Variants in MCC observed in about 807,000 individuals in gnomAD.
MCC encodes the protein colorectal mutant cancer protein.
Under a neutral mutation model 116.2 loss-of-function variants are expected in MCC, and 90 were observed. That is an observed-to-expected ratio of 0.77 (90% CI 0.65 to 0.92). The LOEUF (loss-of-function observed/expected upper bound fraction) is 0.92, where lower values mean the gene tolerates loss of function less well. MCC is among the 40% of genes least tolerant of loss of function. MCC has a pLI of 0.00. For synonymous variants in MCC, 578 were observed against 510.5 expected, an observed-to-expected ratio of 1.13 and a Z score of -1.78; for missense variants, 1,516 against 1,312.2, an observed-to-expected ratio of 1.16 and a Z score of -2.40.
chr5:113,075,062 G>C (rs1754326138), intron 11 of MCC, among the ~76,000 whole-genome samples: 1 of 152,198 alleles, frequency 6.6e-6, no homozygotes, highest in African/African-American at 2.4e-5. Flanking sequence ...TGGAGGGAGA[G>C]GTGCGTGGCA....
intron 1 of MCC, chr5:113,435,601 G>C (rs1426786622): frequency 1.3e-5 from 2 of 152,452 alleles, no homozygotes; most frequent in African/African-American, 4.8e-5. Flanking sequence ...GCCAAGAAGA[G>C]TGGTGTGTCA....
Position 113,340,518 on chromosome 5 carries a change from C to G in MCC, c.627+1G>C, listed in dbSNP as rs1420814013. On this transcript the variant is annotated splice_donor_variant, in intron 3 of 18. Coordinates refer to ENST00000408903, the MANE Select transcript of MCC (RefSeq NM_001085377.2). LOFTEE classifies it high-confidence loss of function. ...TATTCCATGAACCAAAAAGTACTCA[C>G]TGTGTTGGCCAGCTCTAGATAGCTT... The G allele has an allele frequency of 1.2e-6, 2 of 1,613,724 alleles. No individual in the cohort carries two copies. The highest frequency in any genetic ancestry group is 1.3e-5 in the African/African-American group (1 of 74,932).
Position 113,198,534 on chromosome 5 carries a change from A to G in MCC, c.628-47112T>C, listed in dbSNP as rs560646730. ...ACATAGTGAGACTCTGTCCCTACAA[A>G]TAATTAAAAAAAAAAAAAAAATAGC... On this transcript the variant is annotated intron_variant, in intron 3 of 18. Transcript: ENST00000408903. Among the ~76,000 whole-genome samples the G allele has an allele frequency of 2.5e-3, 275 of 109,994 alleles. 1 individual carries two copies. Among genetic ancestry groups the G allele is most frequent in the African/African-American group, 0.013 (264 of 19,826 alleles). 72.2% of individuals were successfully genotyped at this position (109,994 alleles called of 152,430 possible). A position where few individuals can be genotyped will look rare whatever the true frequency, so the allele number is the denominator to read the frequency against.
chr5:113,256,214 A>T (rs1450658985), intron 3 of MCC, among the ~76,000 whole-genome samples: 1 of 152,196 alleles, frequency 6.6e-6, no homozygotes, highest in Non-Finnish European at 1.5e-5. Flanking sequence ...GTTTCTATCC[A>T]AGAGGAGAGG....
chr5:113,153,414 A>G (rs1759997960), intron 3 of MCC, among the ~76,000 whole-genome samples: 1 of 152,208 alleles, frequency 6.6e-6, no homozygotes, highest in Non-Finnish European at 1.5e-5. Context: ...ACTTACTTCC[A>G]TCACAGACTT....
chr5:113,450,109 T>C (rs1771346244), intron 1 of MCC, among the ~76,000 whole-genome samples: 1 of 152,238 alleles, frequency 6.6e-6, no homozygotes, highest in South Asian at 2.1e-4. Flanking sequence ...TCTCTCCTTA[T>C]GTCCACACTC....
intron 3 of MCC, among the ~76,000 whole-genome samples, chr5:113,184,479 G>GTTTT (rs11303638): frequency 8.7e-6 from 1 of 115,142 alleles, no homozygotes; most frequent in African/African-American, 3.0e-5. Context: ...TTCGTTTTTT[G>GTTTT]TTTTTTTTTT....
At chr5:113,473,945 G>GA (rs1342857150) in intron 1 of MCC, among the ~76,000 whole-genome samples, 1 of 152,096 alleles carries the variant, frequency 6.6e-6, no homozygotes, top group African/African-American at 2.4e-5. Flanking sequence ...CCCAGAAGAA[G>GA]AAAATGATAC....
intron 3 of MCC, chr5:113,269,154 A>G: frequency 1.0e-6 from 1 of 985,272 alleles, no homozygotes; most frequent in Non-Finnish European, 1.2e-6. Flanking sequence ...ACAAGGCAGA[A>G]TAATTCTCTG....
intron 17 of MCC, among the ~76,000 whole-genome samples, chr5:113,041,288 T>C (rs1486083265): frequency 6.6e-6 from 1 of 152,158 alleles, no homozygotes; most frequent in Non-Finnish European, 1.5e-5. Context: ...AAATACACTG[T>C]ACCCTTCCCC....
intron 1 of MCC, among the ~76,000 whole-genome samples, chr5:113,438,060 CT>C (rs1261202167): frequency 3.3e-5 from 5 of 152,124 alleles, no homozygotes; most frequent in South Asian, 2.1e-4. Flanking sequence ...CTCTGAGAAT[CT>C]GGGAAGAAAA....
intron 3 of MCC, among the ~76,000 whole-genome samples, chr5:113,329,697 GC>G (rs1219731959): frequency 1.1e-4 from 17 of 151,932 alleles, no homozygotes; most frequent in African/African-American, 4.1e-4. Flanking sequence ...TAATCTACTG[GC>G]ATACTTTTTA....
At chr5:113,368,622 G>GT (rs372519921) in intron 2 of MCC, among the ~76,000 whole-genome samples, 3,749 of 145,988 alleles carry the variant, frequency 0.026, 143 homozygotes, top group African/African-American at 0.084. Flanking sequence ...GAGAAAAAGT[G>GT]TTTTTTTTTT....
At chr5:113,401,642 A>T (rs1050978982) in intron 1 of MCC, among the ~76,000 whole-genome samples, 1 of 152,090 alleles carries the variant, frequency 6.6e-6, no homozygotes, top group African/African-American at 2.4e-5. Context: ...TGTTGCATTC[A>T]TACTGAGAAT....
At chr5:113,480,539 C>T (rs1432290342) in intron 1 of MCC, among the ~76,000 whole-genome samples, 1 of 152,208 alleles carries the variant, frequency 6.6e-6, no homozygotes, top group Non-Finnish European at 1.5e-5. Context: ...CTCGATGCTT[C>T]CTCAAGAATA....
chr5:113,101,580 C>G (rs1232766630), intron 8 of MCC, 159 bp downstream of exon 8: 3 of 675,110 alleles, frequency 4.4e-6, no homozygotes, highest in Admixed American at 5.5e-5. Flanking sequence ...TTAGCAATTT[C>G]GAACTACTTT....
intron 3 of MCC, among the ~76,000 whole-genome samples, chr5:113,316,058 C>T (rs1954285005): frequency 6.6e-6 from 1 of 152,132 alleles, no homozygotes; most frequent in African/African-American, 2.4e-5. Flanking sequence ...GAGTTTGAGA[C>T]CAGCCTGACC....
chr5:113,346,513 T>C lies in MCC; in HGVS notation c.416-5783A>G, dbSNP rs191720755. Among the ~76,000 whole-genome samples the C allele has an allele frequency of 7.2e-5, 11 of 152,078 alleles. No individual in the cohort carries two copies. In the East Asian group the frequency reaches 9.7e-4, roughly 13 times the overall value. Reference sequence around the variant, plus strand: ...CTACTTGGGAGGCTGAGCAGGAGAATTGCTTGAACCTGGGAGGTGGAAGTC... The same window carrying C: ...CTACTTGGGAGGCTGAGCAGGAGAACTGCTTGAACCTGGGAGGTGGAAGTC... On this transcript the variant is annotated intron_variant, in intron 2 of 18. Coordinates refer to ENST00000408903, the MANE Select transcript of MCC (RefSeq NM_001085377.2).
rs1248415559 is a variant in MCC, at chr5:113,340,393, T to C, written c.627+126A>G. 1.2e-5 allele frequency: 10 copies of C among 826,038 alleles called. No homozygotes were observed. The African/African-American group carries it at 1.4e-4, about 11-fold the overall frequency. 51.2% of individuals were successfully genotyped at this position (826,038 alleles called of 1,614,324 possible). On this transcript the variant is annotated intron_variant, in intron 3 of 18. Transcript: ENST00000408903. Reference sequence around the variant, plus strand: ...TAAACATTACTGGCAATGCTGGAAATGGTACAATATTTACCGCAATAAAGA... The same window carrying C: ...TAAACATTACTGGCAATGCTGGAAACGGTACAATATTTACCGCAATAAAGA...
Sources: allele counts gnomAD v4.1 joint callset (sites outside exome capture counted in the v4.1 genomes callset), GRCh38; gene constraint gnomAD v4.1.1; transcripts MANE v1.5; gene names NCBI Gene and HGNC (gene_info 2026-07-23, HGNC 2026-07-21).